The following PCDH9 variants were observed in gnomAD, a reference collection of about 807,000 sequenced individuals.
The protein encoded by PCDH9 is protocadherin-9.
A neutral mutation model predicts 70.6 loss-of-function variants in PCDH9; 24 were observed. The observed-to-expected ratio is 0.34, with a 90% CI of 0.25 to 0.48. The LOEUF (loss-of-function observed/expected upper bound fraction) is 0.48, where lower values mean the gene tolerates loss of function less well. Among genes scored for constraint, PCDH9 ranks in the 20% least tolerant of loss-of-function variants. PCDH9 has a pLI of 0.99. For synonymous variants in PCDH9, 562 were observed against 558.5 expected, an observed-to-expected ratio of 1.01 and a Z score of -0.09; for missense variants, 1,281 against 1,503.6, an observed-to-expected ratio of 0.85 and a Z score of 2.45.
chr13:66,603,569 T>C (rs1170748738), intron 4 of PCDH9, among the ~76,000 whole-genome samples: 2 of 152,044 alleles, frequency 1.3e-5, no homozygotes, highest in African/African-American at 4.8e-5. Context: ...GACATTCATA[T>C]ATAGGGCAAT....
At chr13:67,099,575 GT>G (rs1420625776) in intron 2 of PCDH9, among the ~76,000 whole-genome samples, 1 of 152,170 alleles carries the variant, frequency 6.6e-6, no homozygotes, top group Non-Finnish European at 1.5e-5. Flanking sequence ...AGAATATTGT[GT>G]TTTTAAGCAC....
chr13:67,008,763 T>C (rs2084399513), intron 2 of PCDH9, among the ~76,000 whole-genome samples: 1 of 152,134 alleles, frequency 6.6e-6, no homozygotes, highest in Non-Finnish European at 1.5e-5. Context: ...TATTTTCTTA[T>C]ATTCATTGTA....
At chr13:66,714,463 CAAA>C (rs761478779) in intron 3 of PCDH9, among the ~76,000 whole-genome samples, 1 of 80,966 alleles carries the variant, frequency 1.2e-5, no homozygotes, top group Non-Finnish European at 2.6e-5. Flanking sequence ...GACTCCGTCT[CAAA>C]AAAAAAAAAA....
At chr13:66,309,056 G>A (rs919883048) in intron 4 of PCDH9, among the ~76,000 whole-genome samples, 99 of 152,112 alleles carry the variant, frequency 6.5e-4, no homozygotes, top group African/African-American at 2.4e-3. Context: ...TTACATGGTA[G>A]GTGTATGTAT....
chr13:66,748,764 A>G (rs1374546189), intron 3 of PCDH9, among the ~76,000 whole-genome samples: 1 of 152,226 alleles, frequency 6.6e-6, no homozygotes, highest in Non-Finnish European at 1.5e-5. Context: ...ACACAGATAC[A>G]TAAAACACTC....
intron 2 of PCDH9, chr13:67,212,435 T>A (rs1227344496): frequency 3.3e-5 from 5 of 152,152 alleles, no homozygotes; most frequent in Non-Finnish European, 2.9e-5. Flanking sequence ...AAAGACAATT[T>A]TTTTTATCTT....
At chr13:66,922,334 T>C (rs2082650183) in intron 2 of PCDH9, among the ~76,000 whole-genome samples, 1 of 151,446 alleles carries the variant, frequency 6.6e-6, no homozygotes, top group Non-Finnish European at 1.5e-5. Flanking sequence ...AGTTATTTCT[T>C]CTTCAATACC....
intron 2 of PCDH9, among the ~76,000 whole-genome samples, chr13:67,199,563 G>T (rs1026707560): frequency 1.3e-5 from 2 of 151,762 alleles, no homozygotes; most frequent in Non-Finnish European, 2.9e-5. Flanking sequence ...ATAAACATGT[G>T]GGCAAAATCT....
At chr13:66,411,172 A>C (rs937428966) in intron 4 of PCDH9, among the ~76,000 whole-genome samples, 1 of 152,200 alleles carries the variant, frequency 6.6e-6, no homozygotes, top group Non-Finnish European at 1.5e-5. Context: ...CTGGCATCCC[A>C]TATTATTGGA....
At chr13:66,760,134 CA>C (rs1190638905) in intron 3 of PCDH9, among the ~76,000 whole-genome samples, 6 of 152,078 alleles carry the variant, frequency 3.9e-5, no homozygotes, top group African/African-American at 1.4e-4. Context: ...GGTTGCCGGT[CA>C]TTTTTTTTCC....
At chr13:66,647,852 C>T (rs749026495) in intron 3 of PCDH9, among the ~76,000 whole-genome samples, 101 of 151,734 alleles carry the variant, frequency 6.7e-4, no homozygotes, top group Non-Finnish European at 1.1e-3. Flanking sequence ...CTCATACTCA[C>T]GAGCATTCAC....
intron 2 of PCDH9, among the ~76,000 whole-genome samples, chr13:66,987,499 T>C (rs962341637): frequency 4.6e-5 from 7 of 152,038 alleles, no homozygotes; most frequent in East Asian, 1.9e-4. Flanking sequence ...TTTGAGTGAA[T>C]TGCCACATTC....
chr13:66,964,972 A>G (rs2083408064), intron 2 of PCDH9, among the ~76,000 whole-genome samples: 1 of 152,038 alleles, frequency 6.6e-6, no homozygotes, highest in South Asian at 2.1e-4. Context: ...GCATTAAATA[A>G]TTAGAGTCAG....
At chr13:66,858,554 C>G (rs1315645649) in intron 3 of PCDH9, among the ~76,000 whole-genome samples, 3 of 152,092 alleles carry the variant, frequency 2.0e-5, no homozygotes, top group Non-Finnish European at 2.9e-5. Context: ...AATTTCCTAG[C>G]TTCTCCTTCT....
intron 4 of PCDH9, among the ~76,000 whole-genome samples, chr13:66,459,347 T>C (rs944880024): frequency 1.3e-5 from 2 of 152,062 alleles, no homozygotes; most frequent in African/African-American, 4.8e-5. Context: ...TGTAGCATTG[T>C]CAGCATTTAT....
In PCDH9 at chr13:66,631,383, G is replaced by C; in HGVS notation, c.3167C>G (p.Pro1056Arg). ...ESQRRVTFHL[P>R]DGSQESCSDS... is the part of the protein sequence containing the mutation. ...ACTGCAGCTTTCCTGGGAGCCATCA[G>C]GGAGATGAAACGTAACACGGCGCTG... The change falls in exon 4 of 5, where the codon CCT (proline) becomes CGT (arginine). Residue 1056 changes from proline to arginine, a missense_variant. Transcript: ENST00000377865. The C allele has an allele frequency of 6.2e-7, 1 of 1,611,802 alleles. No homozygotes were observed.
intron 2 of PCDH9, among the ~76,000 whole-genome samples, chr13:67,114,423 T>C (rs1443075725): frequency 1.3e-5 from 2 of 152,188 alleles, no homozygotes; most frequent in African/African-American, 4.8e-5. Flanking sequence ...AAGTTTCAAA[T>C]TGTAGAAAAA....
chr13:66,345,346 G>T (rs1054941955), intron 4 of PCDH9, among the ~76,000 whole-genome samples: 2 of 152,104 alleles, frequency 1.3e-5, no homozygotes, highest in African/African-American at 4.8e-5. Flanking sequence ...ACTCCAAAGG[G>T]CAACAGCACT....
intron 3 of PCDH9, among the ~76,000 whole-genome samples, chr13:66,799,482 A>G (rs762858532): frequency 6.6e-6 from 1 of 152,132 alleles, no homozygotes; most frequent in Non-Finnish European, 1.5e-5. Context: ...GATCTACTTT[A>G]CTAGCAAGGT....
Sources: gnomAD v4.1 joint callset for allele counts (sites outside exome capture counted in the v4.1 genomes callset) on GRCh38, gnomAD v4.1.1 for gene constraint, MANE v1.5 for transcripts, NCBI Gene and HGNC (gene_info 2026-07-23, HGNC 2026-07-21) for gene names.